The following RIMS1 variants were observed in gnomAD, a reference collection of about 807,000 sequenced individuals.
RIMS1 encodes regulating synaptic membrane exocytosis 1.
A neutral mutation model predicts 214.1 loss-of-function variants in RIMS1; 83 were observed. The ratio of observed to expected loss-of-function variants is 0.39; its 90% CI spans 0.32 to 0.47. The LOEUF is 0.47. RIMS1 is among the 20% of genes least tolerant of loss of function. RIMS1 has a pLI of 0.99. For synonymous variants in RIMS1, 793 were observed against 786.8 expected (o/e 1.01, Z -0.13); for missense variants, 2,050 against 2,161.8 (o/e 0.95, Z 1.03).
chr6:72,398,927 T>G (rs2098809817), intron 32 of RIMS1, 28 bp from the exon 33 acceptor site: 3 of 1,380,236 alleles, frequency 2.2e-6, no homozygotes, highest in Non-Finnish European at 3.0e-6. Flanking sequence ...AGGAATAATT[T>G]CTTATATGTT....
chr6:71,968,427 T>G (rs571655696), intron 1 of RIMS1, among the ~76,000 whole-genome samples: 4 of 151,032 alleles, frequency 2.6e-5, no homozygotes, highest in African/African-American at 9.9e-5. Context: ...ACACACACAC[T>G]CTTTATATAT....
At chr6:72,225,342 T>G (rs1388289637) in intron 6 of RIMS1, among the ~76,000 whole-genome samples, 1 of 152,210 alleles carries the variant, frequency 6.6e-6, no homozygotes, top group African/African-American at 2.4e-5. Flanking sequence ...CATTTTACTA[T>G]TTTCATTTAT....
chr6:71,887,110 C>A lies in RIMS1; in HGVS notation c.87C>A (p.Thr29=), dbSNP rs1305981369. The A allele has an allele frequency of 6.2e-7, 1 of 1,613,406 alleles. No homozygotes were observed. Among genetic ancestry groups the A allele is most frequent in the Non-Finnish European group, 8.5e-7 (1 of 1,179,718 alleles). Residue 29 remains threonine, a synonymous_variant, in exon 1 of 34, where the codon ACC becomes ACA. Transcript: ENST00000521978. ...MQELPDLSHL[T]EEERNIIMAV... ...AGCTGCCCGACCTGAGCCACCTGAC[C>A]GAAGAGGAGAGGAACATTATCATGG...
At chr6:72,118,273 A>G (rs1215531256) in intron 4 of RIMS1, among the ~76,000 whole-genome samples, 1 of 151,302 alleles carries the variant, frequency 6.6e-6, no homozygotes, top group East Asian at 1.9e-4. Context: ...GGTATCTGCC[A>G]TTATAGGAGG....
chr6:72,328,968 G>A (rs2096572681), intron 28 of RIMS1, among the ~76,000 whole-genome samples: 1 of 151,918 alleles, frequency 6.6e-6, no homozygotes, highest in African/African-American at 2.4e-5. Context: ...AGTATTATTA[G>A]TCATAAGCAA....
chr6:71,944,893 T>C (rs1295730228), intron 1 of RIMS1, among the ~76,000 whole-genome samples: 1 of 152,168 alleles, frequency 6.6e-6, no homozygotes, highest in Non-Finnish European at 1.5e-5. Context: ...ATTTAGACAT[T>C]GCGTTGTTAT....
At chr6:72,051,930 T>C (rs923975197) in intron 2 of RIMS1, among the ~76,000 whole-genome samples, 2 of 152,134 alleles carry the variant, frequency 1.3e-5, no homozygotes, top group Non-Finnish European at 2.9e-5. Flanking sequence ...CAAAGAAGTT[T>C]TAAAAAATGA....
chr6:72,005,384 G>A (rs891748669), intron 2 of RIMS1, among the ~76,000 whole-genome samples: 4 of 152,148 alleles, frequency 2.6e-5, no homozygotes, highest in African/African-American at 9.7e-5. Flanking sequence ...GAACATTAAA[G>A]TAGTTTTTTC....
intron 4 of RIMS1, among the ~76,000 whole-genome samples, chr6:72,109,048 G>T (rs867008134): frequency 6.6e-5 from 10 of 152,032 alleles, no homozygotes; most frequent in African/African-American, 2.4e-4. Context: ...TTTTATGGCT[G>T]CATAGTATTC....
At chr6:72,105,411 G>A (rs2034542640) in intron 4 of RIMS1, among the ~76,000 whole-genome samples, 1 of 151,870 alleles carries the variant, frequency 6.6e-6, no homozygotes, top group Non-Finnish European at 1.5e-5. Flanking sequence ...AACGTTATTT[G>A]TATTCAAGAA....
chr6:71,950,539 C>T (rs1426087172), intron 1 of RIMS1, among the ~76,000 whole-genome samples: 1 of 152,080 alleles, frequency 6.6e-6, no homozygotes, highest in Non-Finnish European at 1.5e-5. Flanking sequence ...ACATTTGAGC[C>T]TATCATTAGG....
At chr6:72,234,635 A>G (rs943456697) in intron 7 of RIMS1, among the ~76,000 whole-genome samples, 1 of 152,030 alleles carries the variant, frequency 6.6e-6, no homozygotes, top group South Asian at 2.1e-4. Context: ...GGTTTTTAAC[A>G]CATTTATAAT....
At chr6:72,399,150 C>T (rs990762804) in intron 33 of RIMS1, 56 bp downstream of exon 33, 3 of 1,392,744 alleles carry the variant, frequency 2.2e-6, no homozygotes, top group Non-Finnish European at 9.6e-7. Flanking sequence ...ACCCATACAT[C>T]GAAGAGATGG....
chr6:72,297,608 A>G (rs1275097013), intron 26 of RIMS1, among the ~76,000 whole-genome samples: 1 of 151,896 alleles, frequency 6.6e-6, no homozygotes, highest in Non-Finnish European at 1.5e-5. Context: ...AGGTGTCATC[A>G]CCCCTCCAAG....
chr6:72,398,231 G>T lies in RIMS1; in HGVS notation c.4619-18G>T, dbSNP rs372112934. 1 of 1,507,382 alleles carries T rather than the reference G, an allele frequency of 6.6e-7. No individual in the cohort carries two copies. Among genetic ancestry groups the T allele is most frequent in the East Asian group, 2.3e-5 (1 of 43,642 alleles). 93.4% of individuals were successfully genotyped at this position (1,507,382 alleles called of 1,614,324 possible). A position where few individuals can be genotyped will look rare whatever the true frequency, so the allele number is the denominator to read the frequency against. Reference sequence around the variant, plus strand: ...CTGCAAAGAAGCTGAAACACATCTTGCTCCTTTCCATTTGCAGGTGATATA... The same window carrying T: ...CTGCAAAGAAGCTGAAACACATCTTTCTCCTTTCCATTTGCAGGTGATATA... On this transcript the variant is annotated intron_variant, in intron 31 of 33. Coordinates refer to ENST00000521978, the MANE Select transcript of RIMS1 (RefSeq NM_014989.7).
chr6:72,186,897 G>A (rs573432483), intron 6 of RIMS1, among the ~76,000 whole-genome samples: 2 of 152,146 alleles, frequency 1.3e-5, no homozygotes, highest in African/African-American at 4.8e-5. Flanking sequence ...TTGGGAGGCC[G>A]AGGTGGGGGG....
chr6:72,356,640 A>G (rs1314422106), intron 29 of RIMS1, among the ~76,000 whole-genome samples: 1 of 151,974 alleles, frequency 6.6e-6, no homozygotes, highest in Non-Finnish European at 1.5e-5. Context: ...GGTACCTGTA[A>G]TCCCAGCTAC....
At chr6:72,271,315 A>G (rs934119651) in intron 22 of RIMS1, among the ~76,000 whole-genome samples, 7 of 144,094 alleles carry the variant, frequency 4.9e-5, no homozygotes, top group African/African-American at 1.5e-4. Context: ...ATATATATAT[A>G]TGTTAATTAA....
chr6:72,013,378 T>G (rs1811543288), intron 2 of RIMS1, among the ~76,000 whole-genome samples: 2 of 152,218 alleles, frequency 1.3e-5, no homozygotes, highest in African/African-American at 2.4e-5. Flanking sequence ...TCACCAACCA[T>G]CTTTTGAATG....
Sources: gnomAD v4.1 joint callset for allele counts (sites outside exome capture counted in the v4.1 genomes callset) on GRCh38, gnomAD v4.1.1 for gene constraint, MANE v1.5 for transcripts, NCBI Gene and HGNC (gene_info 2026-07-23, HGNC 2026-07-21) for gene names.